SLC22A3: variants seen among roughly 807,000 people sequenced by gnomAD.
The protein encoded by SLC22A3 is solute carrier family 22 member 3, also known as EMT organic cation transporter 3.
SLC22A3 carries 51 observed loss-of-function variants against 59.1 expected under a neutral mutation model. The ratio of observed to expected loss-of-function variants is 0.86; its 90% CI spans 0.69 to 1.09. SLC22A3 has a LOEUF of 1.09. Ranked by LOEUF, SLC22A3 falls within the 50% of genes least tolerant of loss-of-function variation. The pLI is 0.00. For missense variants in SLC22A3, 711 were observed against 726.3 expected (o/e 0.98, Z 0.24); for synonymous variants, 325 against 292.0 (o/e 1.11, Z -1.15).
chr6:160,405,940 G>A (rs1786996441), intron 2 of SLC22A3, among the ~76,000 whole-genome samples: 2 of 152,134 alleles, frequency 1.3e-5, no homozygotes, highest in African/African-American at 4.8e-5. Context: ...GGATGAACAG[G>A]CAGAGCACAG....
At position 160,437,086 on chromosome 6, in the gene SLC22A3, TG is replaced by T; in HGVS notation, c.1165del (p.Val389TrpfsTer8). 1.9e-6 allele frequency: 3 copies of T among 1,614,154 alleles called. No homozygotes were observed. The highest frequency in any genetic ancestry group is 2.2e-5 in the South Asian group (2 of 91,082). On this transcript the variant is annotated frameshift_variant, in exon 7 of 11. Transcript: ENST00000275300. LOFTEE classifies it high-confidence loss of function. Reference sequence around the variant, plus strand: ...TATATAGACTTTTTCATCTCGGGCGTGGTGGAACTGCCAGGAGCTCTCTTGA... The same window carrying T: ...TATATAGACTTTTTCATCTCGGGCGTGTGGAACTGCCAGGAGCTCTCTTGA... ...NLYIDFFISGVVELPGALLIL... is the reference protein window; with the variant it reads ...NLYIDFFISGXVELPGALLIL...
chr6:160,428,056 T>C (rs568230057), intron 5 of SLC22A3, among the ~76,000 whole-genome samples: 2 of 152,220 alleles, frequency 1.3e-5, no homozygotes, highest in African/African-American at 4.8e-5. Flanking sequence ...TTTCTCCTCT[T>C]ATGTCAACAG....
At chr6:160,416,431 C>T (rs954592287) in intron 5 of SLC22A3, among the ~76,000 whole-genome samples, 1 of 151,550 alleles carries the variant, frequency 6.6e-6, no homozygotes, top group Non-Finnish European at 1.5e-5. Context: ...CTCAGCCTTT[C>T]AGCATTTGCA....
At chr6:160,364,300 G>T (rs1785128093) in intron 1 of SLC22A3, among the ~76,000 whole-genome samples, 1 of 152,184 alleles carries the variant, frequency 6.6e-6, no homozygotes, top group South Asian at 2.1e-4. Flanking sequence ...GGGCCCTAAA[G>T]GTGAGAGCTT....
chr6:160,421,734 CCTCT>C (rs1170872034), intron 5 of SLC22A3, among the ~76,000 whole-genome samples: 12 of 151,904 alleles, frequency 7.9e-5, no homozygotes, highest in African/African-American at 2.7e-4. Flanking sequence ...GTTATGTGTC[CCTCT>C]CTAATAGAAA....
At position 160,359,089 on chromosome 6, in the gene SLC22A3, G is replaced by T. The variant is rs77982186; in HGVS notation, c.429+10241G>T. On this transcript the variant is annotated intron_variant, in intron 1 of 10. Coordinates refer to ENST00000275300, the MANE Select transcript of SLC22A3 (RefSeq NM_021977.4). ...CCTGTATTCTAGTTGAGTCAATAAG[G>T]CAAATTTACCTTATGTTGTTTGTGG... Among the ~76,000 whole-genome samples, 225 of 152,260 alleles carry T rather than the reference G, an allele frequency of 1.5e-3. 4 individuals are homozygous for T. In the East Asian group the frequency reaches 0.036, roughly 25 times the overall value.
chr6:160,414,865 A>G (rs899904390), intron 5 of SLC22A3, among the ~76,000 whole-genome samples: 1 of 152,178 alleles, frequency 6.6e-6, no homozygotes, highest in African/African-American at 2.4e-5. Context: ...CAGCCAAACC[A>G]TGTTAACAGT....
intron 7 of SLC22A3, among the ~76,000 whole-genome samples, chr6:160,439,424 AT>A (rs976218047): frequency 3.5e-4 from 53 of 152,124 alleles, no homozygotes; most frequent in Admixed American, 7.2e-4. Context: ...TTCATGATAT[AT>A]ATATATACTT....
intron 5 of SLC22A3, among the ~76,000 whole-genome samples, chr6:160,433,715 T>A (rs151163612): frequency 3.6e-4 from 54 of 148,754 alleles, no homozygotes; most frequent in East Asian, 9.7e-4. Flanking sequence ...TCAAAAAAAA[T>A]TTTTTTAAAT....
intron 1 of SLC22A3, among the ~76,000 whole-genome samples, chr6:160,356,129 C>A (rs943730834): frequency 2.0e-5 from 3 of 152,368 alleles, no homozygotes; most frequent in South Asian, 4.1e-4. Context: ...CAGAGATTAA[C>A]CCAGGCCCTC....
chr6:160,442,667 T>C, intron 7 of SLC22A3, 94 bp from the exon 8 acceptor site: 1 of 900,012 alleles, frequency 1.1e-6, no homozygotes, highest in Non-Finnish European at 1.8e-6. Flanking sequence ...GACTTCAGAC[T>C]GGAGGCCACT....
chr6:160,348,791 T>TGTGCC lies in SLC22A3; in HGVS notation c.379_383dup (p.Gly129AlafsTer35), dbSNP rs763343220. On this transcript the variant is annotated frameshift_variant, in exon 1 of 11. Transcript: ENST00000275300. LOFTEE classifies it high-confidence loss of function. ...CCTTCCCCAACCGCTCGGCTCCCCT[T>TGTGCC]GTGCCGTGCCGCGGCGGCTGGCGCT... The TGTGCC allele has an allele frequency of 6.4e-7, 1 of 1,574,156 alleles. No homozygotes were observed. Among genetic ancestry groups the TGTGCC allele is most frequent in the Non-Finnish European group, 8.6e-7 (1 of 1,168,018 alleles).
At chr6:160,435,630 T>G (rs1410620091) in intron 5 of SLC22A3, among the ~76,000 whole-genome samples, 2 of 152,178 alleles carry the variant, frequency 1.3e-5, no homozygotes, top group Non-Finnish European at 2.9e-5. Flanking sequence ...ATGCTCTAAG[T>G]CAAATTCCTG....
intron 1 of SLC22A3, among the ~76,000 whole-genome samples, chr6:160,352,854 C>T (rs1784706504): frequency 6.6e-6 from 1 of 152,146 alleles, no homozygotes; most frequent in Non-Finnish European, 1.5e-5. Flanking sequence ...CAAAGTCTCG[C>T]TATGTCACCC....
intron 1 of SLC22A3, among the ~76,000 whole-genome samples, chr6:160,355,509 C>T (rs1784802707): frequency 6.6e-6 from 1 of 152,026 alleles, no homozygotes; most frequent in Non-Finnish European, 1.5e-5. Flanking sequence ...CACCTGTAAT[C>T]CCAGCACTTT....
intron 1 of SLC22A3, among the ~76,000 whole-genome samples, chr6:160,385,057 T>C (rs538099792): frequency 1.3e-5 from 2 of 152,336 alleles, no homozygotes; most frequent in East Asian, 3.9e-4. Context: ...CAGTTATAAT[T>C]TTCATCTCCA....
chr6:160,436,184 G>T (rs1788328609), intron 5 of SLC22A3, among the ~76,000 whole-genome samples: 1 of 152,148 alleles, frequency 6.6e-6, no homozygotes, highest in African/African-American at 2.4e-5. Flanking sequence ...TGTGGGGATT[G>T]GGGGGTGTCC....
At chr6:160,376,264 T>A (rs2114784585) in intron 1 of SLC22A3, among the ~76,000 whole-genome samples, 1 of 152,170 alleles carries the variant, frequency 6.6e-6, no homozygotes, top group South Asian at 2.1e-4. Context: ...ACACCACATG[T>A]TCTCACTCAT....
At position 160,400,084 on chromosome 6, in the gene SLC22A3, A is replaced by ATTTTT. The variant is rs760874011; in HGVS notation, c.533+2024_533+2028dup. Reference sequence around the variant, plus strand: ...TCAAAGGAGGGCCCAAGCTTTTGTGATTTTTTTTTTTTTTTTTTTTTTTTT... The same window carrying ATTTTT: ...TCAAAGGAGGGCCCAAGCTTTTGTGATTTTTTTTTTTTTTTTTTTTTTTTTTTTTT... On this transcript the variant is annotated intron_variant, in intron 2 of 10. Transcript: ENST00000275300. Among the ~76,000 whole-genome samples the ATTTTT allele has an allele frequency of 7.3e-3, 692 of 95,418 alleles. 22 individuals carry two copies. Among genetic ancestry groups the ATTTTT allele is most frequent in the Middle Eastern group, 0.051 (8 of 158 alleles). The allele number at this position is 95,418 out of a possible 152,430, so 62.6% of individuals were successfully genotyped here.
Sources: gnomAD v4.1 joint callset for allele counts (sites outside exome capture counted in the v4.1 genomes callset) on GRCh38, gnomAD v4.1.1 for gene constraint, MANE v1.5 for transcripts, NCBI Gene and HGNC (gene_info 2026-07-23, HGNC 2026-07-21) for gene names.